The following PMS1 variants were observed in gnomAD, a reference collection of about 807,000 sequenced individuals.
The protein encoded by PMS1 is PMS1 homolog 1, mismatch repair system component, also known as PMS1 protein homolog 1.
Under a neutral mutation model 93.1 loss-of-function variants are expected in PMS1, and 79 were observed. The ratio of observed to expected loss-of-function variants is 0.85; its 90% CI spans 0.71 to 1.02. PMS1 has a LOEUF of 1.02. Ranked by LOEUF, PMS1 falls within the 50% of genes least tolerant of loss-of-function variation. PMS1 has a pLI of 0.00. For synonymous variants in PMS1, 335 were observed against 363.4 expected (o/e 0.92, Z 0.89); for missense variants, 1,064 against 1,085.3 (o/e 0.98, Z 0.28).
chr2:189,847,148 A>C (rs1318319268), intron 6 of PMS1, among the ~76,000 whole-genome samples: 1 of 151,584 alleles, frequency 6.6e-6, no homozygotes, highest in East Asian at 1.9e-4. Context: ...TTTCTAGATG[A>C]TATGTTTTCT....
intron 1 of PMS1, among the ~76,000 whole-genome samples, chr2:189,788,742 A>G (rs2048589876): frequency 6.6e-6 from 1 of 152,196 alleles, no homozygotes; most frequent in Non-Finnish European, 1.5e-5. Flanking sequence ...AATTGATATG[A>G]TTTTTATTAA....
intron 1 of PMS1, among the ~76,000 whole-genome samples, chr2:189,789,086 T>A (rs2048617885): frequency 6.6e-6 from 1 of 152,200 alleles, no homozygotes. Flanking sequence ...TCCTGAGAAC[T>A]GGGTACCCCA....
At chr2:189,848,923 A>G (rs950878188) in intron 6 of PMS1, among the ~76,000 whole-genome samples, 1 of 152,134 alleles carries the variant, frequency 6.6e-6, no homozygotes, top group Non-Finnish European at 1.5e-5. Context: ...GTTATTTGCC[A>G]CTGCTGGTTA....
At chr2:189,868,016 T>G in intron 11 of PMS1, 87 bp downstream of exon 11, 2 of 1,144,676 alleles carry the variant, frequency 1.7e-6, no homozygotes, top group Non-Finnish European at 2.6e-6. Flanking sequence ...TTTACAGATA[T>G]GGTGGTATAT....
At chr2:189,848,711 T>C (rs1220600226) in intron 6 of PMS1, among the ~76,000 whole-genome samples, 1 of 152,210 alleles carries the variant, frequency 6.6e-6, no homozygotes, top group Non-Finnish European at 1.5e-5. Context: ...GATAAACTTT[T>C]GAGTGTCTCT....
intron 5 of PMS1, among the ~76,000 whole-genome samples, chr2:189,831,967 A>G (rs1014974467): frequency 6.6e-6 from 1 of 151,920 alleles, no homozygotes; most frequent in African/African-American, 2.4e-5. Context: ...CTGACCGCAA[A>G]TGATCCTCCC....
At chr2:189,853,421 T>G (rs1043940522) in intron 7 of PMS1, among the ~76,000 whole-genome samples, 3 of 152,176 alleles carry the variant, frequency 2.0e-5, no homozygotes, top group African/African-American at 4.8e-5. Flanking sequence ...TAAGCCAGTT[T>G]TATTGCATGT....
In PMS1 at chr2:189,805,721, A is replaced by G. The variant is rs771514571; in HGVS notation, c.385A>G (p.Ile129Val). ...GTATGTTTTAGATGGCAGTGGCCACATACTTTCTCAGAAACCTTCACATCT... is the reference window on the plus strand; with the variant it reads ...GTATGTTTTAGATGGCAGTGGCCACGTACTTTCTCAGAAACCTTCACATCT... ...TQYVLDGSGH[I>V]LSQKPSHLGQ... is the part of the protein sequence containing the mutation. The change falls in exon 4 of 13, where the codon ATA becomes GTA. Residue 129 changes from isoleucine to valine, a missense_variant. Ile to Val is a conservative substitution (Grantham distance 29). Coordinates refer to ENST00000441310, the MANE Select transcript of PMS1 (RefSeq NM_000534.5). 33 of 1,613,794 alleles carry G rather than the reference A, an allele frequency of 2.0e-5. No individual in the cohort carries two copies. The highest frequency in any genetic ancestry group is 1.7e-5 in the Admixed American group (1 of 59,988).
intron 5 of PMS1, among the ~76,000 whole-genome samples, chr2:189,841,435 T>C (rs2053813409): frequency 6.6e-6 from 1 of 152,220 alleles, no homozygotes; most frequent in Non-Finnish European, 1.5e-5. Flanking sequence ...AGCAGGTTGC[T>C]GTTTGAGACT....
chr2:189,831,632 C>A (rs1289386677), intron 5 of PMS1, among the ~76,000 whole-genome samples: 1 of 152,160 alleles, frequency 6.6e-6, no homozygotes, highest in African/African-American at 2.4e-5. Flanking sequence ...TCATGAATTA[C>A]ACTGACATAA....
chr2:189,848,335 C>G (rs1303574920), intron 6 of PMS1, among the ~76,000 whole-genome samples: 1 of 152,160 alleles, frequency 6.6e-6, no homozygotes, highest in African/African-American at 2.4e-5. Flanking sequence ...GGGCTTCATC[C>G]CAGATCGACT....
Position 189,806,126 on chromosome 2 carries a change from C to T in PMS1, c.418+372C>T, listed in dbSNP as rs2050321060. Reference sequence around the variant, plus strand: ...TTGGTAATAGTGGAAATAAACGATACCATCAAGATATGATTAAATAATTTA... The same window carrying T: ...TTGGTAATAGTGGAAATAAACGATATCATCAAGATATGATTAAATAATTTA... On this transcript the variant is annotated intron_variant, in intron 4 of 12. Transcript: ENST00000441310. The T allele has an allele frequency of 2.0e-5, 8 of 402,054 alleles. No individual in the cohort carries two copies. In the East Asian group the frequency reaches 3.3e-4, roughly 17 times the overall value. 24.9% of individuals were successfully genotyped at this position (402,054 alleles called of 1,614,324 possible).
intron 4 of PMS1, among the ~76,000 whole-genome samples, chr2:189,816,107 G>A (rs1294845910): frequency 1.3e-5 from 2 of 152,140 alleles, no homozygotes; most frequent in East Asian, 3.9e-4. Context: ...GTGTTGCCCA[G>A]TCTGGTCTCT....
chr2:189,851,962 A>G (rs1487260224), intron 6 of PMS1, among the ~76,000 whole-genome samples: 1 of 152,068 alleles, frequency 6.6e-6, no homozygotes, highest in East Asian at 1.9e-4. Flanking sequence ...TATCCCTTCA[A>G]TATCTTTCTC....
At chr2:189,821,075 G>T (rs934603085) in intron 5 of PMS1, among the ~76,000 whole-genome samples, 1 of 151,972 alleles carries the variant, frequency 6.6e-6, no homozygotes, top group Non-Finnish European at 1.5e-5. Context: ...ATTAAAAAAA[G>T]ACCAACATCA....
At chr2:189,866,269 G>C (rs1368700523) in intron 10 of PMS1, among the ~76,000 whole-genome samples, 1 of 151,662 alleles carries the variant, frequency 6.6e-6, no homozygotes, top group Non-Finnish European at 1.5e-5. Flanking sequence ...CAAATGATAG[G>C]TTTTTAAAAA....
chr2:189,870,437 T>C (rs2057049199), intron 11 of PMS1, among the ~76,000 whole-genome samples: 2 of 152,228 alleles, frequency 1.3e-5, no homozygotes, highest in African/African-American at 4.8e-5. Context: ...AACCACTTAC[T>C]CATTTGATGT....
At chr2:189,873,460 G>C in intron 11 of PMS1, 36 bp from the exon 12 acceptor site, 1 of 1,436,992 alleles carries the variant, frequency 7.0e-7, no homozygotes. Context: ...TCTGGAATAT[G>C]AACTTAACTA....
Position 189,853,976 on chromosome 2 carries a change from A to G in PMS1, c.860A>G (p.Glu287Gly), listed in dbSNP as rs2055055770. The change falls in exon 8 of 13, where the codon GAA (glutamate) becomes GGA (glycine). Residue 287 changes from glutamate to glycine, a missense_variant. By Grantham distance (98) the Glu-to-Gly change is moderately conservative. Coordinates refer to ENST00000441310, the MANE Select transcript of PMS1 (RefSeq NM_000534.5). ...RHHYNLKCLK[E>G]STRLYPVFFL... The stretch of plus-strand genomic sequence containing the variant: ...CATTACAATCTGAAATGCCTAAAGG[A>G]ATCTACTCGTTTGTATCCTGTTTTC... 6.2e-7 allele frequency: 1 copy of G among 1,604,314 alleles called. No homozygotes were observed. The highest frequency in any genetic ancestry group is 8.5e-7 in the Non-Finnish European group (1 of 1,173,810).
Sources: allele counts gnomAD v4.1 joint callset (sites outside exome capture counted in the v4.1 genomes callset), GRCh38; gene constraint gnomAD v4.1.1; transcripts MANE v1.5; gene names NCBI Gene and HGNC (gene_info 2026-07-23, HGNC 2026-07-21).